The following KCNMA1 variants were observed in gnomAD, a reference collection of about 807,000 sequenced individuals.
KCNMA1 encodes the protein potassium calcium-activated channel subfamily M alpha 1, also known as Calcium-activated potassium channel subunit alpha-1.
KCNMA1 carries 29 observed loss-of-function variants against 140.0 expected under a neutral mutation model. That is an observed-to-expected ratio of 0.21 (90% CI 0.15 to 0.28). The LOEUF (loss-of-function observed/expected upper bound fraction) is 0.28. Among genes scored for constraint, KCNMA1 ranks in the 10% least tolerant of loss-of-function variants. The pLI, the probability that KCNMA1 is intolerant of heterozygous loss-of-function variation, is 1.00. For synonymous variants in KCNMA1, 612 were observed against 611.9 expected (o/e 1.00, Z 0.00); for missense variants, 880 against 1,602.2 (o/e 0.55, Z 7.70).
intron 13 of KCNMA1, 22 bp downstream of exon 13, chr10:77,079,459 G>T (rs200693200): frequency 6.4e-7 from 1 of 1,550,508 alleles, no homozygotes; most frequent in South Asian, 1.1e-5. Flanking sequence ...TTCAGACCTG[G>T]AGCGGGCTCT....
At chr10:77,610,847 T>C (rs1025357444) in intron 1 of KCNMA1, among the ~76,000 whole-genome samples, 9 of 152,320 alleles carry the variant, frequency 5.9e-5, no homozygotes, top group African/African-American at 2.2e-4. Context: ...CCGAACTGTA[T>C]GTACACTTTA....
intron 1 of KCNMA1, among the ~76,000 whole-genome samples, chr10:77,425,204 A>G (rs1322904562): frequency 6.6e-6 from 1 of 152,134 alleles, no homozygotes; most frequent in Non-Finnish European, 1.5e-5. Context: ...AGGAGAGCAC[A>G]TTATCTATAA....
intron 1 of KCNMA1, among the ~76,000 whole-genome samples, chr10:77,478,337 T>C (rs529462753): frequency 6.6e-6 from 1 of 152,332 alleles, no homozygotes; most frequent in Admixed American, 6.5e-5. Context: ...ACTGAGCAGA[T>C]GAACGCTCTG....
At position 77,271,626 on chromosome 10, in the gene KCNMA1, T is replaced by C. The variant is rs1600750369; in HGVS notation, c.541-20370A>G. On this transcript the variant is annotated intron_variant, in intron 2 of 27. Coordinates refer to ENST00000286628, the MANE Select transcript of KCNMA1 (RefSeq NM_001161352.2). The stretch of plus-strand genomic sequence containing the variant: ...AAACAGTGCCTGGCACATAGCAAGC[T>C]CTCTAGAAGTAAGTGCTAAATAAAT... Among the ~76,000 whole-genome samples the C allele has an allele frequency of 2.0e-5, 3 of 152,246 alleles. No individual in the cohort carries two copies. In the South Asian group the frequency reaches 6.2e-4, roughly 32 times the overall value.
chr10:77,436,938 T>C (rs1217909631), intron 1 of KCNMA1, among the ~76,000 whole-genome samples: 1 of 148,378 alleles, frequency 6.7e-6, no homozygotes, highest in Non-Finnish European at 1.5e-5. Flanking sequence ...AAAGTCCTAC[T>C]ATTCCAGTCT....
intron 18 of KCNMA1, among the ~76,000 whole-genome samples, chr10:77,006,532 T>C (rs2088724974): frequency 6.6e-6 from 1 of 152,194 alleles, no homozygotes. Context: ...GTCCTATAAA[T>C]GAGAAATGAT....
At position 77,012,529 on chromosome 10, in the gene KCNMA1, C is replaced by A. The variant is rs1278199360; in HGVS notation, c.2016-486G>T. The A allele has an allele frequency of 3.9e-6, 6 of 1,550,172 alleles. No individual in the cohort carries two copies. In the South Asian group the frequency reaches 7.1e-5, roughly 18 times the overall value. Reference sequence around the variant, plus strand: ...TCACTCTGAAAGCACCTTTTCTGGGCAGCCAAAGGGAGACAGAGTTGAGGA... The same window carrying A: ...TCACTCTGAAAGCACCTTTTCTGGGAAGCCAAAGGGAGACAGAGTTGAGGA... On this transcript the variant is annotated intron_variant, in intron 17 of 27. Transcript: ENST00000286628.
At chr10:77,415,753 G>A (rs2096727867) in intron 1 of KCNMA1, among the ~76,000 whole-genome samples, 2 of 152,216 alleles carry the variant, frequency 1.3e-5, no homozygotes, top group African/African-American at 2.4e-5. Context: ...CAGGTGCTCT[G>A]TTCCCATGGG....
chr10:77,435,533 T>A (rs2097243814), intron 1 of KCNMA1, among the ~76,000 whole-genome samples: 1 of 152,104 alleles, frequency 6.6e-6, no homozygotes, highest in Non-Finnish European at 1.5e-5. Context: ...GGAAGAAAAC[T>A]GGAAATGAAC....
At chr10:77,205,955 T>C (rs1374140434) in intron 3 of KCNMA1, among the ~76,000 whole-genome samples, 3 of 152,212 alleles carry the variant, frequency 2.0e-5, no homozygotes, top group East Asian at 3.9e-4. Flanking sequence ...GATGTAAAAC[T>C]GTATTATTTG....
In KCNMA1 at chr10:77,086,600, A is replaced by T; in HGVS notation, c.1335-7T>A. 1 of 1,595,588 alleles carries T rather than the reference A, an allele frequency of 6.3e-7. No homozygotes were observed. The highest frequency in any genetic ancestry group is 8.6e-7 in the Non-Finnish European group (1 of 1,163,158). On this transcript the variant is annotated splice_region_variant and splice_polypyrimidine_tract_variant and intron_variant, in intron 10 of 27. Transcript: ENST00000286628. Reference sequence around the variant, plus strand: ...CTCCAGGTTGGGGGAGATGCTACACAGGGAGAGAAGAAATCGCTATTAATT... The same window carrying T: ...CTCCAGGTTGGGGGAGATGCTACACTGGGAGAGAAGAAATCGCTATTAATT...
chr10:76,877,974 A>T, intron 29 of KCNMA1: 1 of 1,394,044 alleles, frequency 7.2e-7, no homozygotes, highest in Non-Finnish European at 1.0e-6. Context: ...TGGAAAGTTC[A>T]TTGAAAAACG....
chr10:77,598,294 T>TGG (rs2081525278), intron 1 of KCNMA1, among the ~76,000 whole-genome samples: 1 of 152,312 alleles, frequency 6.6e-6, no homozygotes, highest in East Asian at 1.9e-4. Context: ...TTTAATCCCC[T>TGG]GGACTGTCAG....
At chr10:77,459,485 C>G (rs1372045795) in intron 1 of KCNMA1, among the ~76,000 whole-genome samples, 1 of 152,202 alleles carries the variant, frequency 6.6e-6, no homozygotes, top group Non-Finnish European at 1.5e-5. Flanking sequence ...TGGAGAAACC[C>G]TTGTGAGCAG....
At chr10:77,203,134 A>G (rs1045539935) in intron 3 of KCNMA1, among the ~76,000 whole-genome samples, 1 of 152,210 alleles carries the variant, frequency 6.6e-6, no homozygotes, top group Non-Finnish European at 1.5e-5. Flanking sequence ...AAGGATAAAC[A>G]ACTAGAACAG....
intron 3 of KCNMA1, among the ~76,000 whole-genome samples, chr10:77,226,618 G>A (rs564040851): frequency 6.6e-6 from 1 of 152,028 alleles, no homozygotes; most frequent in South Asian, 2.1e-4. Context: ...ATAGCCTGTC[G>A]AAAACAATCT....
chr10:77,126,193 A>G (rs1596497300), intron 5 of KCNMA1, among the ~76,000 whole-genome samples: 1 of 152,180 alleles, frequency 6.6e-6, no homozygotes, highest in East Asian at 1.9e-4. Context: ...AAATAGCTAT[A>G]ATAGAGTTGT....
rs184242689 is a variant in KCNMA1 at position 77,290,044 on chromosome 10, G to T, written c.541-38788C>A. On this transcript the variant is annotated intron_variant, in intron 2 of 27. Transcript: ENST00000286628. Reference sequence around the variant, plus strand: ...CCAGGGGTTAGAGATGGAAGGAGGCGGTTCGATGCGGTAAAGGCACAGTTC... The same window carrying T: ...CCAGGGGTTAGAGATGGAAGGAGGCTGTTCGATGCGGTAAAGGCACAGTTC... Among the ~76,000 whole-genome samples, 5 of 152,084 alleles carry T rather than the reference G, an allele frequency of 3.3e-5. No homozygotes were observed. In the East Asian group the frequency reaches 9.6e-4, roughly 29 times the overall value.
In KCNMA1 at chr10:76,960,618, GTTTT is replaced by G. The variant is rs55685324; in HGVS notation, c.2361-6698_2361-6695del. 6.7e-5 allele frequency among the ~76,000 whole-genome samples: 4 copies of G among 59,354 alleles called. No individual in the cohort carries two copies. In the South Asian group the frequency reaches 2.0e-3, roughly 29 times the overall value. The allele number at this position is 59,354 out of a possible 152,430, so 38.9% of individuals were successfully genotyped here. On this transcript the variant is annotated intron_variant, in intron 20 of 27. Coordinates refer to ENST00000286628, the MANE Select transcript of KCNMA1 (RefSeq NM_001161352.2). ...TGCACTTTGCAGATATTATGGTTTT[GTTTT>G]TTTTTTTTTTTTTTTTTTTTTTTTA...
Sources: allele counts gnomAD v4.1 joint callset (sites outside exome capture counted in the v4.1 genomes callset), GRCh38; gene constraint gnomAD v4.1.1; transcripts MANE v1.5; gene names NCBI Gene and HGNC (gene_info 2026-07-23, HGNC 2026-07-21).